Variants in BMAL2 observed in about 807,000 individuals in gnomAD.
BMAL2 encodes basic helix-loop-helix ARNT like 2.
chr12:27,386,698 C>T, the BMAL2 span, among the ~76,000 whole-genome samples: 1 of 152,198 alleles, frequency 6.6e-6, no homozygotes, highest in East Asian at 1.9e-4. Context: ...GGTGCGATCT[C>T]GGCTCACTGC....
the BMAL2 span, among the ~76,000 whole-genome samples, chr12:27,371,302 C>T: frequency 6.6e-6 from 1 of 152,148 alleles, no homozygotes; most frequent in Non-Finnish European, 1.5e-5. Flanking sequence ...GAGCTATGGT[C>T]ACGCCACTGC....
chr12:27,387,713 C>G, the BMAL2 span, among the ~76,000 whole-genome samples: 1 of 152,188 alleles, frequency 6.6e-6, no homozygotes, highest in Non-Finnish European at 1.5e-5. Context: ...CATTGCATGA[C>G]AGCCTTTGAT....
chr12:27,366,632 G>T, the BMAL2 span, among the ~76,000 whole-genome samples: 2 of 151,842 alleles, frequency 1.3e-5, no homozygotes, highest in Non-Finnish European at 2.9e-5. Context: ...AGACAAAAAG[G>T]ATTTTTTAAA....
the BMAL2 span, among the ~76,000 whole-genome samples, chr12:27,379,235 C>T: frequency 1.3e-5 from 2 of 152,180 alleles, no homozygotes; most frequent in African/African-American, 4.8e-5. Flanking sequence ...GGGGGTACAT[C>T]GCAGAGAATG....
the BMAL2 span, among the ~76,000 whole-genome samples, chr12:27,417,475 T>C: frequency 2.0e-5 from 3 of 152,082 alleles, no homozygotes; most frequent in African/African-American, 7.2e-5. Flanking sequence ...GGCTTTGGAG[T>C]CAGGTAGACT....
At chr12:27,417,952 C>T in the BMAL2 span, 7 of 468,406 alleles carry the variant, frequency 1.5e-5, no homozygotes, top group South Asian at 5.2e-5. Flanking sequence ...GAGATCATGC[C>T]GCTGCACTCC....
chr12:27,408,462 C>T, the BMAL2 span, among the ~76,000 whole-genome samples: 133 of 152,230 alleles, frequency 8.7e-4, no homozygotes, highest in Non-Finnish European at 1.6e-3. Context: ...TAAATGTAAT[C>T]CAGCATATAA....
chr12:27,337,629 G>A, the BMAL2 span, among the ~76,000 whole-genome samples: 21,866 of 152,124 alleles, frequency 0.14, 1,772 homozygotes, highest in East Asian at 0.3. Flanking sequence ...TATGTGTGGA[G>A]GAGGAGAACT....
At chr12:27,367,530 G>A in the BMAL2 span, among the ~76,000 whole-genome samples, 8,933 of 152,108 alleles carry the variant, frequency 0.059, 879 homozygotes, top group African/African-American at 0.2. Context: ...TATCTCAAAA[G>A]GATTGTAACA....
At chr12:27,379,460 A>C in the BMAL2 span, among the ~76,000 whole-genome samples, 7 of 152,174 alleles carry the variant, frequency 4.6e-5, no homozygotes, top group African/African-American at 1.7e-4. Context: ...ATCTTAGTGC[A>C]CACCAGTATT....
chr12:27,380,380 G>C, the BMAL2 span: 3 of 1,614,166 alleles, frequency 1.9e-6, no homozygotes, highest in South Asian at 3.3e-5. Context: ...AAGAATGGCT[G>C]TTCAACACTT....
chr12:27,358,146 A>G, the BMAL2 span, among the ~76,000 whole-genome samples: 1 of 152,120 alleles, frequency 6.6e-6, no homozygotes. Flanking sequence ...TTCGCTATCT[A>G]TACATCTGAC....
the BMAL2 span, among the ~76,000 whole-genome samples, chr12:27,409,768 T>G: frequency 1.3e-5 from 2 of 151,976 alleles, no homozygotes; most frequent in Non-Finnish European, 2.9e-5. Flanking sequence ...CTAAAGAGCT[T>G]CTGCACAGCA....
At chr12:27,402,762 G>A in the BMAL2 span, 1 of 1,259,426 alleles carries the variant, frequency 7.9e-7, no homozygotes, top group Non-Finnish European at 1.1e-6. Context: ...CTGGAGAGGG[G>A]AAAATTTGAA....
chr12:27,401,833 CATT>C, the BMAL2 span, among the ~76,000 whole-genome samples: 1 of 152,174 alleles, frequency 6.6e-6, no homozygotes, highest in Admixed American at 6.5e-5. Context: ...TGTTCATTGA[CATT>C]AGTTCTCAGA....
the BMAL2 span, among the ~76,000 whole-genome samples, chr12:27,372,961 C>G: frequency 6.6e-6 from 1 of 152,224 alleles, no homozygotes; most frequent in African/African-American, 2.4e-5. Context: ...GCGTGAGCCA[C>G]TGCGCCCAGC....
At chr12:27,407,190 A>G in the BMAL2 span, among the ~76,000 whole-genome samples, 3 of 152,226 alleles carry the variant, frequency 2.0e-5, no homozygotes, top group Non-Finnish European at 4.4e-5. Flanking sequence ...TCAACGAGAC[A>G]GAAAGTTAAC....
the BMAL2 span, among the ~76,000 whole-genome samples, chr12:27,402,881 A>G: frequency 6.6e-6 from 1 of 152,234 alleles, no homozygotes; most frequent in African/African-American, 2.4e-5. Flanking sequence ...TCCCAGAGGT[A>G]TCACCATGTC....
chr12:27,407,658 A>G, the BMAL2 span, among the ~76,000 whole-genome samples: 7 of 150,650 alleles, frequency 4.6e-5, no homozygotes, highest in South Asian at 2.1e-4. Flanking sequence ...TCTAAAATTG[A>G]CACCCTAAAA....
Sources: allele counts gnomAD v4.1 joint callset (sites outside exome capture counted in the v4.1 genomes callset), GRCh38; gene constraint gnomAD v4.1.1; transcripts MANE v1.5; gene names NCBI Gene and HGNC (gene_info 2026-07-23, HGNC 2026-07-21).